The following ARHGEF40 variants were observed in gnomAD, a reference collection of about 807,000 sequenced individuals.
ARHGEF40 encodes Rho guanine nucleotide exchange factor 40.
Under a neutral mutation model 165.9 loss-of-function variants are expected in ARHGEF40, and 98 were observed. The ratio of observed to expected loss-of-function variants is 0.59; its 90% CI spans 0.50 to 0.70. The LOEUF (loss-of-function observed/expected upper bound fraction) is 0.70. ARHGEF40 is among the 30% of genes least tolerant of loss of function. The pLI is 0.00. For synonymous variants in ARHGEF40, 792 were observed against 814.3 expected, an observed-to-expected ratio of 0.97 and a Z score of 0.47; for missense variants, 1,815 against 1,968.0, an observed-to-expected ratio of 0.92 and a Z score of 1.47.
At chr14:21,079,152 A>G in intron 11 of ARHGEF40, 142 bp downstream of exon 11, 1 of 1,212,874 alleles carries the variant, frequency 8.2e-7, no homozygotes, top group Non-Finnish European at 1.1e-6. Flanking sequence ...TTTGTTGGTC[A>G]GTGTGAGATT....
Position 21,081,663 on chromosome 14 carries a change from C to G in ARHGEF40, c.2795C>G (p.Pro932Arg). 1 of 1,602,706 alleles carries G rather than the reference C, an allele frequency of 6.2e-7. No individual in the cohort carries two copies. The highest frequency in any genetic ancestry group is 1.1e-5 in the South Asian group (1 of 90,230). Reference sequence around the variant, plus strand: ...GCCCTGGCCCTGGACCTGGGCAGCCCAGCAGCCCTGCGAGAATGGGGCCGC... The same window carrying G: ...GCCCTGGCCCTGGACCTGGGCAGCCGAGCAGCCCTGCGAGAATGGGGCCGC... The part of the protein sequence containing the change: ...MRALALDLGS[P>R]AALREWGRCQ... The change falls in exon 14 of 24, where the codon CCA becomes CGA. Residue 932 changes from proline (P) to arginine (R), a missense_variant. Physicochemically the swap from Pro to Arg is moderately radical, Grantham distance 103. Transcript: ENST00000298694.
In ARHGEF40 at chr14:21,075,850, C is replaced by T. The variant is rs1887377518; in HGVS notation, c.1739+85C>T. 1.3e-5 allele frequency: 20 copies of T among 1,516,978 alleles called. No homozygotes were observed. Among genetic ancestry groups the T allele is most frequent in the Non-Finnish European group, 1.7e-5 (19 of 1,121,678 alleles). 94.0% of individuals were successfully genotyped at this position (1,516,978 alleles called of 1,614,324 possible). On this transcript the variant is annotated intron_variant, in intron 5 of 23. Coordinates refer to ENST00000298694, the MANE Select transcript of ARHGEF40 (RefSeq NM_018071.5). The surrounding 1 kb of genome is among the most constrained non-coding windows in gnomAD (Gnocchi z 4.5). Reference sequence around the variant, plus strand: ...ACCTCCTTCTTCTCAGGACACTGACCTTCTGACCTCTAAGGACACCTACTT... The same window carrying T: ...ACCTCCTTCTTCTCAGGACACTGACTTTCTGACCTCTAAGGACACCTACTT...
rs1298532561 is a variant in ARHGEF40, at chr14:21,088,035, C to T, written c.4455C>T (p.Pro1485=). 2 of 1,614,076 alleles carry T rather than the reference C, an allele frequency of 1.2e-6. No homozygotes were observed. Among genetic ancestry groups the T allele is most frequent in the Non-Finnish European group, 1.7e-6 (2 of 1,179,990 alleles). The part of the protein sequence containing the change: ...PGPRNSPSLQ[P]PHPGSSTPTL... ...CAAGAAACAGCCCCAGCCTGCAACC[C>T]CCCCACCCTGGGAGCAGCACTCCCA... Residue 1485 remains proline (P), a synonymous_variant, in exon 22 of 24, where the codon CCC becomes CCT. Transcript: ENST00000298694.
intron 11 of ARHGEF40, among the ~76,000 whole-genome samples, chr14:21,079,232 C>G (rs1887680490): frequency 6.6e-6 from 1 of 152,224 alleles, no homozygotes; most frequent in African/African-American, 2.4e-5. Context: ...ACTGTTTACA[C>G]TTGATCGAAA....
rs935097056 is a variant in ARHGEF40, at chr14:21,078,845, A to T, written c.2247-39A>T. Reference sequence around the variant, plus strand: ...CGGAAGGACAGAATTGAGGGGCTCAACAAGGGAAATGATTCATTCTTCTCT... The same window carrying T: ...CGGAAGGACAGAATTGAGGGGCTCATCAAGGGAAATGATTCATTCTTCTCT... On this transcript the variant is annotated intron_variant, in intron 10 of 23. Transcript: ENST00000298694. The T allele has an allele frequency of 5.0e-6, 8 of 1,598,360 alleles. No homozygotes were observed. The African/African-American group carries it at 9.4e-5, about 19-fold the overall frequency.
chr14:21,075,582 G>T lies in ARHGEF40; in HGVS notation c.1619-63G>T, dbSNP rs1343971168. 6.2e-7 allele frequency: 1 copy of T among 1,613,734 alleles called. No individual in the cohort carries two copies. The highest frequency in any genetic ancestry group is 8.5e-7 in the Non-Finnish European group (1 of 1,180,014). ...GGGCTTGGGGACTGGGGGAGGCAGG[G>T]TGGAAAGGAGGTAGGCATGGACTGC... On this transcript the variant is annotated intron_variant, in intron 4 of 23. Coordinates refer to ENST00000298694, the MANE Select transcript of ARHGEF40 (RefSeq NM_018071.5). This position sits in a 1 kb window ranked among gnomAD's most constrained non-coding sequence, Gnocchi z 4.5.
rs1888689403 is a variant in ARHGEF40 at position 21,090,008 on chromosome 14, G to A, written c.*1000G>A. ...TGGGTGATAACTAAGTGTCTGAAGA[G>A]GTGACTATTTCCTGACAGAAGGACC... On this transcript the variant is annotated 3_prime_UTR_variant, in exon 24 of 24. Coordinates refer to ENST00000298694, the MANE Select transcript of ARHGEF40 (RefSeq NM_018071.5). The surrounding 1 kb of genome is among the most constrained non-coding windows in gnomAD (Gnocchi z 4.4). The A allele has an allele frequency of 3.9e-6, 1 of 254,106 alleles. No individual in the cohort carries two copies. Among genetic ancestry groups the A allele is most frequent in the South Asian group, 4.0e-5 (1 of 25,292 alleles). 15.7% of individuals were successfully genotyped at this position (254,106 alleles called of 1,614,324 possible).
Position 21,083,401 on chromosome 14 carries a change from T to A in ARHGEF40, c.3574-434T>A, listed in dbSNP as rs1455418015. Among the ~76,000 whole-genome samples the A allele has an allele frequency of 2.8e-4, 42 of 147,510 alleles. 1 individual carries two copies. In the South Asian group the frequency reaches 9.1e-3, roughly 32 times the overall value. ...TAGAAATACAAAAAAAAAAAAAAAA[T>A]TAGCCAGGCGTGGTGGCGGGCACCT... On this transcript the variant is annotated intron_variant, in intron 16 of 23. Coordinates refer to ENST00000298694, the MANE Select transcript of ARHGEF40 (RefSeq NM_018071.5).
Position 21,089,166 on chromosome 14 carries a change from AC to A in ARHGEF40, c.*160del. 2.6e-6 allele frequency: 1 copy of A among 385,868 alleles called. No individual in the cohort carries two copies. Among genetic ancestry groups the A allele is most frequent in the Non-Finnish European group, 4.7e-6 (1 of 214,122 alleles). 23.9% of individuals were successfully genotyped at this position (385,868 alleles called of 1,614,324 possible). ...CTAACGACCAGAGTATTGCCCTGCC[AC>A]CACTATCTCTAGTCTCCCTAGCTTG... On this transcript the variant is annotated 3_prime_UTR_variant, in exon 24 of 24. Transcript: ENST00000298694.
Position 21,082,896 on chromosome 14 carries a change from T to A in ARHGEF40, c.3552T>A (p.Ala1184=), listed in dbSNP as rs1385060642. Residue 1184 remains alanine, a synonymous_variant, in exon 16 of 24, where the codon GCT becomes GCA. Transcript: ENST00000298694. ...GACACAAACTGGAGAATGGTCTGGC[T>A]GCGCTCAGTCCCTTAAGCAAGGTAA... ...KHRHKLENGL[A]ALSPLSKGSM... is the part of the protein sequence containing the mutation. 6.2e-7 allele frequency: 1 copy of A among 1,614,042 alleles called. No homozygotes were observed. The highest frequency in any genetic ancestry group is 8.5e-7 in the Non-Finnish European group (1 of 1,180,030).
chr14:21,087,075 C>CGG lies in ARHGEF40; in HGVS notation c.4214_4215dup (p.Thr1406GlyfsTer3). On this transcript the variant is annotated frameshift_variant, in exon 20 of 24. Coordinates refer to ENST00000298694, the MANE Select transcript of ARHGEF40 (RefSeq NM_018071.5). LOFTEE classifies it high-confidence loss of function. ...CCTGGACATCAAAGCCCTTGGGGAGCGGACGCTGAGTGCCCTGCTCACTGG... is the reference window on the plus strand; with the variant it reads ...CCTGGACATCAAAGCCCTTGGGGAGCGGGGACGCTGAGTGCCCTGCTCACTGG... The CGG allele has an allele frequency of 6.2e-7, 1 of 1,607,924 alleles. No individual in the cohort carries two copies. Among genetic ancestry groups the CGG allele is most frequent in the Admixed American group, 1.7e-5 (1 of 59,092 alleles).
Position 21,075,738 on chromosome 14 carries a change from C to T in ARHGEF40, c.1712C>T (p.Thr571Ile). 6.2e-7 allele frequency: 1 copy of T among 1,613,670 alleles called. No homozygotes were observed. The highest frequency in any genetic ancestry group is 2.2e-5 in the East Asian group (1 of 44,874). Reference protein sequence around the residue: ...PPPSRDTLNTTLHYLHSLLRP... With the variant: ...PPPSRDTLNTILHYLHSLLRP... ...CCCTCCCGAGACACGCTGAACACAACTCTTCATTACCTCCACTCACTGCTC... is the reference window on the plus strand; with the variant it reads ...CCCTCCCGAGACACGCTGAACACAATTCTTCATTACCTCCACTCACTGCTC... The change falls in exon 5 of 24, where the codon ACT (threonine) becomes ATT (isoleucine). Residue 571 changes from threonine (T) to isoleucine (I), a missense_variant. Coordinates refer to ENST00000298694, the MANE Select transcript of ARHGEF40 (RefSeq NM_018071.5). This position sits in a 1 kb window ranked among gnomAD's most constrained non-coding sequence, Gnocchi z 4.5.
At chr14:21,087,681 C>G (rs1888467286) in intron 21 of ARHGEF40, 6 of 722,570 alleles carry the variant, frequency 8.3e-6, no homozygotes, top group South Asian at 3.8e-5. Flanking sequence ...ACCTCTCTCT[C>G]TAGCTCTTCT....
rs1289503764 is a variant in ARHGEF40, at chr14:21,073,283, C to A, written c.201+41C>A. ...TCACTATTCTGCCTTCCCCAAGATC[C>A]ACTGCCACACTCTACAGACTAGCCA... On this transcript the variant is annotated intron_variant, in intron 2 of 23. Coordinates refer to ENST00000298694, the MANE Select transcript of ARHGEF40 (RefSeq NM_018071.5). This position sits in a 1 kb window ranked among gnomAD's most constrained non-coding sequence, Gnocchi z 4.6. 1.3e-6 allele frequency: 2 copies of A among 1,552,574 alleles called. No homozygotes were observed.
Position 21,085,725 on chromosome 14 carries a change from A to G in ARHGEF40, c.3997A>G (p.Ser1333Gly), listed in dbSNP as rs1482329250. Reference sequence around the variant, plus strand: ...GGGGCTGACAGAAAACATCGGGGACAGCGGACTCTGCTTTGAGTTGTGGTT... The same window carrying G: ...GGGGCTGACAGAAAACATCGGGGACGGCGGACTCTGCTTTGAGTTGTGGTT... ...DMGLTENIGD[S>G]GLCFELWFRR... The change falls in exon 19 of 24, where the codon AGC (serine) becomes GGC (glycine). Residue 1333 changes from serine (S) to glycine (G), a missense_variant. Ser to Gly is a moderately conservative substitution (Grantham distance 56). Transcript: ENST00000298694. The G allele has an allele frequency of 1.2e-6, 2 of 1,614,066 alleles. No homozygotes were observed. Among genetic ancestry groups the G allele is most frequent in the Non-Finnish European group, 8.5e-7 (1 of 1,180,054 alleles).
In ARHGEF40 at chr14:21,085,778, C is replaced by T. The variant is rs1473323378; in HGVS notation, c.4050C>T (p.Tyr1350=). 2.5e-6 allele frequency: 4 copies of T among 1,614,220 alleles called. No homozygotes were observed. The highest frequency in any genetic ancestry group is 3.4e-6 in the Non-Finnish European group (4 of 1,180,044). The change falls in exon 19 of 24, where the codon TAC becomes TAT. Residue 1350 remains tyrosine, a synonymous_variant. Coordinates refer to ENST00000298694, the MANE Select transcript of ARHGEF40 (RefSeq NM_018071.5). ...WFRRRRAREA[Y]TLQATSPEIK... ...GGCGGCGGCGTGCACGAGAGGCATA[C>T]ACTCTGCAGGCAACCTCACCAGAGA...
At position 21,073,867 on chromosome 14, in the gene ARHGEF40, A is replaced by G; in HGVS notation, c.202-65A>G. The G allele has an allele frequency of 6.5e-7, 1 of 1,533,416 alleles. No individual in the cohort carries two copies. Among genetic ancestry groups the G allele is most frequent in the Non-Finnish European group, 8.8e-7 (1 of 1,142,234 alleles). 95.0% of individuals were successfully genotyped at this position (1,533,416 alleles called of 1,614,324 possible). A position where few individuals can be genotyped will look rare whatever the true frequency, so the allele number is the denominator to read the frequency against. ...GTCCTGCCTAGGGTGGGCCCATTCT[A>G]ACTGCCCTCTCCTGCTGGTTTCTTC... On this transcript the variant is annotated intron_variant, in intron 2 of 23. Coordinates refer to ENST00000298694, the MANE Select transcript of ARHGEF40 (RefSeq NM_018071.5). This position sits in a 1 kb window ranked among gnomAD's most constrained non-coding sequence, Gnocchi z 4.6.
intron 22 of ARHGEF40, among the ~76,000 whole-genome samples, chr14:21,088,322 G>T (rs1337478867): frequency 6.6e-6 from 1 of 152,146 alleles, no homozygotes; most frequent in Non-Finnish European, 1.5e-5. Flanking sequence ...TAAATAAGGA[G>T]TATAGTGCTG....
At chr14:21,087,655 G>T in intron 21 of ARHGEF40, 192 bp downstream of exon 21, 2 of 814,798 alleles carry the variant, frequency 2.5e-6, no homozygotes, top group Non-Finnish European at 3.8e-6. Flanking sequence ...CTGTTGCTAA[G>T]AAGCACTTCC....
Sources: allele counts gnomAD v4.1 joint callset (sites outside exome capture counted in the v4.1 genomes callset), GRCh38; gene constraint gnomAD v4.1.1; non-coding constraint Gnocchi (gnomAD v3.1); transcripts MANE v1.5; gene names NCBI Gene and HGNC (gene_info 2026-07-23, HGNC 2026-07-21).